Variants in ERC2 observed in about 807,000 individuals in gnomAD.
The protein encoded by ERC2 is ERC protein 2.
A neutral mutation model predicts 114.8 loss-of-function variants in ERC2; 42 were observed. The observed-to-expected ratio is 0.37, with a 90% CI of 0.29 to 0.47. ERC2 has a LOEUF of 0.47. ERC2 is among the 20% of genes least tolerant of loss of function. ERC2 has a pLI of 0.99. For missense variants in ERC2, 939 were observed against 1,150.7 expected (o/e 0.82, Z 2.66); for synonymous variants, 454 against 425.5 (o/e 1.07, Z -0.82).
intron 10 of ERC2, chr3:56,003,047 T>C: frequency 8.0e-7 from 1 of 1,248,708 alleles, no homozygotes; most frequent in Non-Finnish European, 1.1e-6. Context: ...TGGTGATCAA[T>C]GGATCCTCAT....
At chr3:55,861,364 C>T (rs1191262088) in intron 14 of ERC2, among the ~76,000 whole-genome samples, 1 of 152,184 alleles carries the variant, frequency 6.6e-6, no homozygotes, top group Non-Finnish European at 1.5e-5. Flanking sequence ...TGTCACTCCT[C>T]CTGAAGAGCT....
At chr3:56,399,407 A>G (rs2060437454) in intron 2 of ERC2, among the ~76,000 whole-genome samples, 1 of 152,218 alleles carries the variant, frequency 6.6e-6, no homozygotes, top group Non-Finnish European at 1.5e-5. Flanking sequence ...TGAAATTCAC[A>G]GTCACTTCAT....
intron 13 of ERC2, among the ~76,000 whole-genome samples, chr3:55,928,615 G>A (rs1471275797): frequency 6.6e-6 from 1 of 152,094 alleles, no homozygotes; most frequent in African/African-American, 2.4e-5. Context: ...TTAACTTGAT[G>A]TAATCCCACT....
intron 10 of ERC2, among the ~76,000 whole-genome samples, chr3:56,005,826 T>A (rs1249086357): frequency 6.6e-6 from 1 of 152,084 alleles, no homozygotes; most frequent in Non-Finnish European, 1.5e-5. Flanking sequence ...TAAAAAATAT[T>A]CTTCATAAGT....
chr3:56,295,555 T>C (rs2055373997), intron 3 of ERC2, among the ~76,000 whole-genome samples: 1 of 152,274 alleles, frequency 6.6e-6, no homozygotes, highest in Non-Finnish European at 1.5e-5. Context: ...AATTGGTCTG[T>C]GCATTTTACC....
intron 17 of ERC2, among the ~76,000 whole-genome samples, chr3:55,644,743 T>A (rs1445445280): frequency 6.6e-6 from 1 of 151,780 alleles, no homozygotes; most frequent in South Asian, 2.1e-4. Context: ...TGATCTAGTA[T>A]CTGTGATCCC....
intron 17 of ERC2, among the ~76,000 whole-genome samples, chr3:55,656,471 A>G (rs372844954): frequency 2.1e-4 from 32 of 152,254 alleles, no homozygotes; most frequent in African/African-American, 7.5e-4. Flanking sequence ...AATGCACTTT[A>G]CATGGTAGCT....
At chr3:55,947,917 G>T (rs1209514277) in intron 13 of ERC2, among the ~76,000 whole-genome samples, 1 of 152,134 alleles carries the variant, frequency 6.6e-6, no homozygotes, top group East Asian at 1.9e-4. Flanking sequence ...TATGTTAAAA[G>T]CCTAGACCCT....
intron 2 of ERC2, among the ~76,000 whole-genome samples, chr3:56,316,619 C>A (rs2056875975): frequency 6.6e-6 from 1 of 152,144 alleles, no homozygotes; most frequent in Non-Finnish European, 1.5e-5. Flanking sequence ...AACAGATACA[C>A]ACACACACAC....
chr3:55,638,819 G>A (rs1228427173), intron 17 of ERC2, among the ~76,000 whole-genome samples: 4 of 152,244 alleles, frequency 2.6e-5, no homozygotes, highest in Non-Finnish European at 5.9e-5. Context: ...AAAACTTTAC[G>A]CATTGTTCTT....
chr3:55,614,525 C>A (rs925338599), intron 17 of ERC2, among the ~76,000 whole-genome samples: 9 of 151,922 alleles, frequency 5.9e-5, no homozygotes, highest in African/African-American at 1.9e-4. Context: ...CAAAAACTAC[C>A]CATATTTTTT....
At chr3:56,225,191 A>G (rs560020913) in intron 3 of ERC2, among the ~76,000 whole-genome samples, 54 of 152,016 alleles carry the variant, frequency 3.6e-4, no homozygotes, top group South Asian at 3.3e-3. Flanking sequence ...CCATTTGTTA[A>G]CTGTTTCAAA....
intron 1 of ERC2, among the ~76,000 whole-genome samples, chr3:56,451,848 G>A (rs1005643860): frequency 6.6e-6 from 1 of 152,144 alleles, no homozygotes; most frequent in Non-Finnish European, 1.5e-5. Context: ...CTTTACTCAG[G>A]TTCACATTAA....
At chr3:56,107,109 C>T (rs916836892) in intron 6 of ERC2, among the ~76,000 whole-genome samples, 4 of 151,898 alleles carry the variant, frequency 2.6e-5, no homozygotes, top group African/African-American at 9.7e-5. Flanking sequence ...TGGCATCTTC[C>T]AATATATAGC....
chr3:55,994,806 T>C (rs1189802367), intron 10 of ERC2, among the ~76,000 whole-genome samples: 1 of 152,116 alleles, frequency 6.6e-6, no homozygotes, highest in Non-Finnish European at 1.5e-5. Flanking sequence ...ATCAGATGAA[T>C]TCATAGTCTT....
chr3:55,766,220 G>A (rs940635604), intron 14 of ERC2, among the ~76,000 whole-genome samples: 1 of 151,426 alleles, frequency 6.6e-6, no homozygotes, highest in Admixed American at 6.6e-5. Context: ...TTTGGAGAGG[G>A]GGCATCTGCC....
At chr3:55,933,208 C>A (rs1346099457) in intron 13 of ERC2, among the ~76,000 whole-genome samples, 47 of 138,288 alleles carry the variant, frequency 3.4e-4, no homozygotes, top group East Asian at 6.5e-4. Flanking sequence ...GACTTTGTCT[C>A]AAAAAAAAAA....
chr3:56,395,378 A>G (rs572558890), intron 2 of ERC2, among the ~76,000 whole-genome samples: 1 of 152,200 alleles, frequency 6.6e-6, no homozygotes, highest in South Asian at 2.1e-4. Context: ...TCCAATCTTA[A>G]ATACTTTAAC....
chr3:55,697,062 A>G (rs1224183331), intron 16 of ERC2, among the ~76,000 whole-genome samples: 2 of 152,216 alleles, frequency 1.3e-5, no homozygotes, highest in Non-Finnish European at 2.9e-5. Context: ...TCTGATTGAC[A>G]TGAACCAGAA....
Sources: allele counts gnomAD v4.1 joint callset (sites outside exome capture counted in the v4.1 genomes callset), GRCh38; gene constraint gnomAD v4.1.1; transcripts MANE v1.5; gene names NCBI Gene and HGNC (gene_info 2026-07-23, HGNC 2026-07-21).